Variants in GINM1 observed in about 807,000 individuals in gnomAD.
GINM1 encodes the protein glycosylated integral membrane protein 1.
In GINM1, 29 loss-of-function variants were observed where a neutral mutation model predicts 37.8. That is an observed-to-expected ratio of 0.77 (90% CI 0.57 to 1.05). The LOEUF (loss-of-function observed/expected upper bound fraction) is 1.05, where lower values mean the gene tolerates loss of function less well. GINM1 is among the 50% of genes least tolerant of loss of function. The pLI is 0.00. For missense variants in GINM1, 377 were observed against 397.9 expected, an observed-to-expected ratio of 0.95 and a Z score of 0.45; for synonymous variants, 143 against 146.2, an observed-to-expected ratio of 0.98 and a Z score of 0.16.
At chr6:149,577,497 A>G (rs1777932288) in intron 3 of GINM1, 1 of 152,836 alleles carries the variant, frequency 6.5e-6, no homozygotes, top group African/African-American at 2.4e-5. Context: ...AAGTGCCACT[A>G]AAGGTGTGTG....
At chr6:149,570,204 C>G (rs1408139018) in intron 1 of GINM1, among the ~76,000 whole-genome samples, 3 of 104,754 alleles carry the variant, frequency 2.9e-5, no homozygotes, top group African/African-American at 7.1e-5. Context: ...ATATAAAGTT[C>G]AGTAACTTGC....
chr6:149,579,852 A>G lies in GINM1; in HGVS notation c.448A>G (p.Thr150Ala). The G allele has an allele frequency of 6.3e-7, 1 of 1,596,242 alleles. No individual in the cohort carries two copies. The highest frequency in any genetic ancestry group is 8.5e-7 in the Non-Finnish European group (1 of 1,170,022). ...DGKQVQQKDV[T>A]EIDILVKNRG... is the part of the protein sequence containing the mutation. Reference sequence around the variant, plus strand: ...TTCACAGGTTCAGCAAAAGGATGTCACTGAAATTGATATTTTAGTTAAGAA... The same window carrying G: ...TTCACAGGTTCAGCAAAAGGATGTCGCTGAAATTGATATTTTAGTTAAGAA... Residue 150 changes from threonine to alanine, a missense_variant, in exon 5 of 8, where the codon ACT becomes GCT. By Grantham distance (58) the Thr-to-Ala change is moderately conservative. Coordinates refer to ENST00000367419, the MANE Select transcript of GINM1 (RefSeq NM_138785.5).
chr6:149,584,359 A>G (rs1778041829), intron 7 of GINM1: 2 of 152,330 alleles, frequency 1.3e-5, no homozygotes, highest in Admixed American at 1.3e-4. Context: ...GCTACATTGC[A>G]TTATACTGTT....
rs577606517 is a variant in GINM1 at position 149,582,533 on chromosome 6, G to A, written c.811G>A (p.Val271Met). 4 of 1,612,550 alleles carry A rather than the reference G, an allele frequency of 2.5e-6. No individual in the cohort carries two copies. The Admixed American group carries it at 5.0e-5, about 20-fold the overall frequency. Residue 271 changes from valine (V) to methionine (M), a missense_variant, in exon 7 of 8, where the codon GTG becomes ATG. Coordinates refer to ENST00000367419, the MANE Select transcript of GINM1 (RefSeq NM_138785.5). Reference sequence around the variant, plus strand: ...ATTCTTTCAGTTTTTGAACATCATGGTGGTTGGAATTACAGGAGCAGCTGT... The same window carrying A: ...ATTCTTTCAGTTTTTGAACATCATGATGGTTGGAATTACAGGAGCAGCTGT... ...PVFFQFLNIM[V>M]VGITGAAVVI...
chr6:149,577,713 G>A (rs1023834679), intron 3 of GINM1, among the ~76,000 whole-genome samples: 1 of 152,186 alleles, frequency 6.6e-6, no homozygotes, highest in African/African-American at 2.4e-5. Context: ...AGCTGGGTGT[G>A]CATTCAGATT....
intron 4 of GINM1, 65 bp from the exon 5 acceptor site, chr6:149,579,769 C>T: frequency 9.9e-7 from 1 of 1,014,286 alleles, no homozygotes; most frequent in Non-Finnish European, 1.4e-6. Flanking sequence ...GGAAAATTTG[C>T]TTTTAAATTT....
intron 3 of GINM1, among the ~76,000 whole-genome samples, chr6:149,578,616 A>G (rs191713312): frequency 6.6e-6 from 1 of 152,286 alleles, no homozygotes; most frequent in African/African-American, 2.4e-5. Context: ...TTACCCTTTC[A>G]AATGAGTGTA....
At chr6:149,572,735 C>T (rs1044072277) in intron 3 of GINM1, 132 bp downstream of exon 3, 6 of 654,046 alleles carry the variant, frequency 9.2e-6, no homozygotes, top group African/African-American at 1.9e-5. Context: ...GATCTCAGCT[C>T]ACTGCAACCT....
chr6:149,584,454 T>A (rs1043013748), intron 7 of GINM1: 2 of 152,210 alleles, frequency 1.3e-5, no homozygotes, highest in Admixed American at 1.3e-4. Flanking sequence ...AACCTCCGAC[T>A]TCTTCAGGTG....
At position 149,568,669 on chromosome 6, in the gene GINM1, C is replaced by T. The variant is rs573560401; in HGVS notation, c.120+2135C>T. Among the ~76,000 whole-genome samples, 18 of 152,344 alleles carry T rather than the reference C, an allele frequency of 1.2e-4. No individual in the cohort carries two copies. In the South Asian group the frequency reaches 2.3e-3, roughly 19 times the overall value. On this transcript the variant is annotated intron_variant, in intron 1 of 7. Transcript: ENST00000367419. Reference sequence around the variant, plus strand: ...ACTAGCTTTATCACATCTGTCCATCCTCGTTTCCAGTCTGATATAAATTAA... The same window carrying T: ...ACTAGCTTTATCACATCTGTCCATCTTCGTTTCCAGTCTGATATAAATTAA...
chr6:149,579,698 A>C, intron 4 of GINM1, 136 bp from the exon 5 acceptor site: 1 of 450,986 alleles, frequency 2.2e-6, no homozygotes, highest in Non-Finnish European at 3.8e-6. Context: ...TCCATCTCAA[A>C]AAAAAAAAAA....
At chr6:149,589,002 C>T (rs928771288) in intron 7 of GINM1, among the ~76,000 whole-genome samples, 13 of 152,122 alleles carry the variant, frequency 8.5e-5, no homozygotes, top group Non-Finnish European at 1.6e-4. Context: ...ATGGGTTTCA[C>T]CATGTTGGCC....
chr6:149,580,889 C>T (rs1777989738), intron 6 of GINM1, 166 bp downstream of exon 6: 2 of 565,344 alleles, frequency 3.5e-6, no homozygotes, highest in Non-Finnish European at 6.2e-6. Flanking sequence ...TCCTATTTTC[C>T]TCTTCGAGCT....
chr6:149,578,901 G>A lies in GINM1; in HGVS notation c.357G>A (p.Trp119Ter), dbSNP rs200356862. 2 of 1,602,876 alleles carry A rather than the reference G, an allele frequency of 1.2e-6. No homozygotes were observed. The highest frequency in any genetic ancestry group is 2.7e-5 in the African/African-American group (2 of 74,834). Residue 119 changes from tryptophan to a stop codon, truncating the protein, a stop_gained, in exon 4 of 8, where the codon TGG becomes TGA. Coordinates refer to ENST00000367419, the MANE Select transcript of GINM1 (RefSeq NM_138785.5). LOFTEE classifies it high-confidence loss of function. ...IVSVRILVHE[W>*]PMTSGSSLQL... ...GTGTAAGGATTTTAGTTCATGAGTG[G>A]CCTATGACATCTGGTTCCAGTTTGC... is the stretch of plus-strand genomic sequence containing the variant.
chr6:149,582,497 G>A lies in GINM1; in HGVS notation c.775G>A (p.Val259Ile), dbSNP rs369466491. 1.1e-5 allele frequency: 17 copies of A among 1,612,380 alleles called. No individual in the cohort carries two copies. The highest frequency in any genetic ancestry group is 9.4e-5 in the African/African-American group (7 of 74,860). The change falls in exon 7 of 8, where the codon GTT becomes ATT. Residue 259 changes from valine (V) to isoleucine (I), a missense_variant. By Grantham distance (29) the Val-to-Ile change is conservative. Coordinates refer to ENST00000367419, the MANE Select transcript of GINM1 (RefSeq NM_138785.5). ...AGATCTGTGTAGGTTCTGGAGCAAC[G>A]TTTTCCCAGTATTCTTTCAGTTTTT... ...RKDLCRFWSN[V>I]FPVFFQFLNI...
intron 7 of GINM1, among the ~76,000 whole-genome samples, chr6:149,589,132 A>G (rs1174808013): frequency 6.6e-6 from 1 of 151,240 alleles, no homozygotes; most frequent in Non-Finnish European, 1.5e-5. Context: ...TATTTTGTGT[A>G]GAGACAGGGT....
intron 5 of GINM1, 34 bp downstream of exon 5, chr6:149,580,024 G>A: frequency 7.4e-7 from 1 of 1,357,402 alleles, no homozygotes; most frequent in Non-Finnish European, 1.0e-6. Context: ...AAGTATTAAG[G>A]AGATTATTTA....
chr6:149,573,572 A>G (rs763966935), intron 3 of GINM1, among the ~76,000 whole-genome samples: 8 of 152,156 alleles, frequency 5.3e-5, no homozygotes, highest in Non-Finnish European at 7.4e-5. Context: ...TCTGGTAAGT[A>G]GATAACGATG....
chr6:149,582,912 G>C (rs186080927), intron 7 of GINM1, among the ~76,000 whole-genome samples: 5 of 152,160 alleles, frequency 3.3e-5, no homozygotes, highest in Admixed American at 1.3e-4. Flanking sequence ...GCAACTGTAT[G>C]ATCAGAGGTG....
Sources: gnomAD v4.1 joint callset for allele counts (sites outside exome capture counted in the v4.1 genomes callset) on GRCh38, gnomAD v4.1.1 for gene constraint, MANE v1.5 for transcripts, NCBI Gene and HGNC (gene_info 2026-07-23, HGNC 2026-07-21) for gene names.